Variants in LHPP observed in about 807,000 individuals in gnomAD.
LHPP encodes the protein phospholysine phosphohistidine inorganic pyrophosphate phosphatase.
Under a neutral mutation model 30.3 loss-of-function variants are expected in LHPP, and 24 were observed. The observed-to-expected ratio is 0.79, with a 90% CI of 0.57 to 1.11. The LOEUF (loss-of-function observed/expected upper bound fraction) is 1.11. LHPP is among the 50% of genes most tolerant of loss of function. LHPP has a pLI of 0.00. For synonymous variants in LHPP, 150 were observed against 157.1 expected (o/e 0.95, Z 0.34); for missense variants, 356 against 367.2 (o/e 0.97, Z 0.25).
intron 1 of LHPP, among the ~76,000 whole-genome samples, chr10:124,481,662 T>A (rs1310473513): frequency 6.6e-6 from 1 of 152,014 alleles, no homozygotes; most frequent in Admixed American, 6.6e-5. Context: ...GTTACAGGAC[T>A]GAGCCACCAT....
intron 5 of LHPP, among the ~76,000 whole-genome samples, chr10:124,508,251 C>T: frequency 6.6e-6 from 1 of 152,158 alleles, no homozygotes; most frequent in Non-Finnish European, 1.5e-5. Context: ...CTGAGCCCCA[C>T]CTCCCAGCCG....
chr10:124,509,066 G>A (rs569351394), intron 5 of LHPP, among the ~76,000 whole-genome samples: 1 of 152,128 alleles, frequency 6.6e-6, no homozygotes, highest in South Asian at 2.1e-4. Context: ...ATCTGTTGTT[G>A]CCCTGTGTCC....
At chr10:124,529,096 A>G (rs2133928137) in intron 6 of LHPP, among the ~76,000 whole-genome samples, 1 of 126,938 alleles carries the variant, frequency 7.9e-6, no homozygotes, top group Admixed American at 9.7e-5. Context: ...CAGTGGTGTG[A>G]TCTCGGCTCA....
intron 6 of LHPP, among the ~76,000 whole-genome samples, chr10:124,607,075 C>G (rs1403789624): frequency 2.0e-5 from 3 of 152,224 alleles, no homozygotes; most frequent in East Asian, 3.8e-4. Context: ...TCCTCCTCCT[C>G]CAGCTCTGTC....
chr10:124,511,508 G>A (rs924599990), intron 5 of LHPP, among the ~76,000 whole-genome samples: 6 of 152,130 alleles, frequency 3.9e-5, no homozygotes, highest in African/African-American at 1.4e-4. Context: ...GGTGGCTTGC[G>A]GCTACCAGTA....
At chr10:124,477,251 G>C (rs888224179) in intron 1 of LHPP, among the ~76,000 whole-genome samples, 1 of 152,174 alleles carries the variant, frequency 6.6e-6, no homozygotes, top group African/African-American at 2.4e-5. Context: ...CCTGGGGCTG[G>C]TGCTGCACCT....
intron 3 of LHPP, among the ~76,000 whole-genome samples, chr10:124,492,186 G>T (rs1283557985): frequency 2.0e-5 from 3 of 152,054 alleles, no homozygotes; most frequent in Non-Finnish European, 2.9e-5. Flanking sequence ...GCCATTTGTT[G>T]TTTTTTTCAA....
At position 124,501,152 on chromosome 10, in the gene LHPP, A is replaced by G. The variant is rs539436068; in HGVS notation, c.624+3024A>G. On this transcript the variant is annotated intron_variant, in intron 5 of 6. Transcript: ENST00000368842. Reference sequence around the variant, plus strand: ...TGCTAAGTGAAGGAAGCCAAACACAAAAGGACACATATTGTATTCTTCCAT... The same window carrying G: ...TGCTAAGTGAAGGAAGCCAAACACAGAAGGACACATATTGTATTCTTCCAT... 7.9e-5 allele frequency among the ~76,000 whole-genome samples: 12 copies of G among 152,112 alleles called. No individual in the cohort carries two copies. In the South Asian group the frequency reaches 2.1e-3, roughly 26 times the overall value.
intron 6 of LHPP, chr10:124,526,158 AAC>A (rs776521861): frequency 9.1e-6 from 9 of 985,194 alleles, no homozygotes; most frequent in Non-Finnish European, 1.1e-5. Flanking sequence ...AGAGCCGCTC[AAC>A]ACGTGTTGCA....
At chr10:124,483,078 G>A (rs1291454932) in intron 1 of LHPP, among the ~76,000 whole-genome samples, 3 of 152,180 alleles carry the variant, frequency 2.0e-5, no homozygotes, top group African/African-American at 7.2e-5. Flanking sequence ...GCCTGGATTC[G>A]CGGGTCTCCT....
At chr10:124,604,127 A>T (rs1373027190) in intron 6 of LHPP, among the ~76,000 whole-genome samples, 1 of 152,226 alleles carries the variant, frequency 6.6e-6, no homozygotes, top group Non-Finnish European at 1.5e-5. Flanking sequence ...AAGCAGCACG[A>T]CATGGCACCT....
In LHPP at chr10:124,507,729, G is replaced by A. The variant is rs71504510; in HGVS notation, c.625-9451G>A. Among the ~76,000 whole-genome samples, 25 of 48,146 alleles carry A rather than the reference G, an allele frequency of 5.2e-4. No individual in the cohort carries two copies. In the South Asian group the frequency reaches 0.043, roughly 82 times the overall value. The allele number at this position is 48,146 out of a possible 152,430, so 31.6% of individuals were successfully genotyped here. On this transcript the variant is annotated intron_variant, in intron 5 of 6. Coordinates refer to ENST00000368842, the MANE Select transcript of LHPP (RefSeq NM_022126.4). ...GGTAGACAGGATTTCAGGTGGGGGG[G>A]TAGGGAGGATTTCAGGTGTGGAGGG...
In LHPP at chr10:124,484,209, G is replaced by T. The variant is rs777329392; in HGVS notation, c.196G>T (p.Gly66Trp). ...GCAGAAGTCCCGGGCAGAGCTGGTG[G>T]GGCAGCTTCAGAGGCTGGGATTTGA... is the stretch of plus-strand genomic sequence containing the variant. ...ESQKSRAELV[G>W]QLQRLGFDIS... Residue 66 changes from glycine (G) to tryptophan (W), a missense_variant, in exon 2 of 7, where the codon GGG (glycine) becomes TGG (tryptophan). Coordinates refer to ENST00000368842, the MANE Select transcript of LHPP (RefSeq NM_022126.4). 2 of 1,613,994 alleles carry T rather than the reference G, an allele frequency of 1.2e-6. No individual in the cohort carries two copies. The highest frequency in any genetic ancestry group is 1.7e-6 in the Non-Finnish European group (2 of 1,180,024).
intron 6 of LHPP, among the ~76,000 whole-genome samples, chr10:124,587,726 C>A (rs2133997839): frequency 7.9e-6 from 1 of 126,598 alleles, no homozygotes; most frequent in Non-Finnish European, 1.6e-5. Context: ...GGAGACACAG[C>A]CAGACTCCAT....
At chr10:124,610,758 AGGGTGC>A (rs1408156094) in intron 6 of LHPP, among the ~76,000 whole-genome samples, 104 of 53,084 alleles carry the variant, frequency 2.0e-3, no homozygotes, top group Non-Finnish European at 2.3e-3. Context: ...GGAGCGGGTG[AGGGTGC>A]GGGTGAGGGT....
At chr10:124,564,480 C>T (rs1948458274) in intron 6 of LHPP, among the ~76,000 whole-genome samples, 1 of 152,010 alleles carries the variant, frequency 6.6e-6, no homozygotes, top group South Asian at 2.1e-4. Context: ...TCTTGAACTC[C>T]TGGGCTCAAG....
intron 2 of LHPP, among the ~76,000 whole-genome samples, chr10:124,487,734 G>A (rs560847483): frequency 2.4e-4 from 37 of 152,200 alleles, no homozygotes; most frequent in African/African-American, 8.7e-4. Flanking sequence ...ATGAGCCACC[G>A]CACCTGGCCT....
chr10:124,575,770 C>T (rs1948650105), intron 6 of LHPP, among the ~76,000 whole-genome samples: 1 of 152,194 alleles, frequency 6.6e-6, no homozygotes, highest in Non-Finnish European at 1.5e-5. Flanking sequence ...CCTGCACTCT[C>T]ACCACCTCCA....
At chr10:124,539,307 G>A (rs566406753) in intron 6 of LHPP, among the ~76,000 whole-genome samples, 35 of 152,290 alleles carry the variant, frequency 2.3e-4, no homozygotes, top group Admixed American at 9.2e-4. Flanking sequence ...AGGGCACTTC[G>A]GGCCTCAGTT....
Sources: allele counts gnomAD v4.1 joint callset (sites outside exome capture counted in the v4.1 genomes callset), GRCh38; gene constraint gnomAD v4.1.1; transcripts MANE v1.5; gene names NCBI Gene and HGNC (gene_info 2026-07-23, HGNC 2026-07-21).